KIAA0232: variants seen among roughly 807,000 people sequenced by gnomAD.
KIAA0232 encodes uncharacterized protein KIAA0232.
KIAA0232 carries 27 observed loss-of-function variants against 122.0 expected under a neutral mutation model. The observed-to-expected ratio is 0.22, with a 90% confidence interval of 0.16 to 0.31. KIAA0232 has a LOEUF of 0.31. KIAA0232 is among the 10% of genes least tolerant of loss of function. KIAA0232 has a pLI of 1.00. For missense variants in KIAA0232, 1,551 were observed against 1,634.2 expected (o/e 0.95, Z 0.88); for synonymous variants, 613 against 587.6 (o/e 1.04, Z -0.63).
At chr4:6,854,057 A>ATT (rs973766715) in intron 4 of KIAA0232, among the ~76,000 whole-genome samples, 23 of 152,314 alleles carry the variant, frequency 1.5e-4, no homozygotes, top group African/African-American at 5.5e-4. Flanking sequence ...GGTGGTATGC[A>ATT]TTAGGTTAAT....
chr4:6,856,621 T>C (rs1389821981), intron 4 of KIAA0232, among the ~76,000 whole-genome samples: 1 of 152,058 alleles, frequency 6.6e-6, no homozygotes, highest in Non-Finnish European at 1.5e-5. Context: ...ACATTTGCAA[T>C]ATTGGCTTCA....
Position 6,862,943 on chromosome 4 carries a change from A to T in KIAA0232, c.2561A>T (p.Asp854Val). Residue 854 changes from aspartate (D) to valine (V), a missense_variant, in exon 7 of 10, where the codon GAT becomes GTT. Physicochemically the swap from Asp to Val is radical, Grantham distance 152 (BLOSUM62 -3). Around this residue, in one of 5 missense-constraint regions of KIAA0232, gnomAD observed 1,108 missense variants for 1,154.8 expected, o/e 0.96. Coordinates refer to ENST00000307659, the MANE Select transcript of KIAA0232 (RefSeq NM_014743.3). Reference sequence around the variant, plus strand: ...ACTGATGCTGAGTTGTTTTCGGCAGATGTAAATAACTACTGCTGCTGTCTA... The same window carrying T: ...ACTGATGCTGAGTTGTTTTCGGCAGTTGTAAATAACTACTGCTGCTGTCTA... ...ERTDAELFSA[D>V]VNNYCCCLDA... 6.2e-7 allele frequency: 1 copy of T among 1,614,220 alleles called. No individual in the cohort carries two copies. The highest frequency in any genetic ancestry group is 8.5e-7 in the Non-Finnish European group (1 of 1,180,036).
At chr4:6,803,167 AG>A (rs1046543466) in intron 1 of KIAA0232, among the ~76,000 whole-genome samples, 2 of 150,816 alleles carry the variant, frequency 1.3e-5, no homozygotes, top group African/African-American at 4.9e-5. Context: ...GGATGACAGA[AG>A]AATACTTTAC....
Position 6,792,538 on chromosome 4 carries a change from G to A in KIAA0232, c.-354+9697G>A, listed in dbSNP as rs141089211. ...CTGTGAGATAATTTCATACAATTAA[G>A]CACAGATTTTTTATATTGCATGTAG... On this transcript the variant is annotated intron_variant, in intron 1 of 9. Coordinates refer to ENST00000307659, the MANE Select transcript of KIAA0232 (RefSeq NM_014743.3). Among the ~76,000 whole-genome samples the A allele has an allele frequency of 4.2e-3, 637 of 152,144 alleles. 6 individuals carry two copies. The highest frequency in any genetic ancestry group is 0.014 in the African/African-American group (597 of 41,510).
chr4:6,839,669 G>C (rs566641298), intron 3 of KIAA0232, among the ~76,000 whole-genome samples: 3 of 152,194 alleles, frequency 2.0e-5, no homozygotes, highest in African/African-American at 7.2e-5. Flanking sequence ...GGAGGGGGTA[G>C]TCGAAGGTCA....
At position 6,863,033 on chromosome 4, in the gene KIAA0232, A is replaced by G; in HGVS notation, c.2651A>G (p.His884Arg). Residue 884 changes from histidine (H) to arginine (R), a missense_variant, in exon 7 of 10, where the codon CAT (histidine) becomes CGT (arginine). His to Arg is a conservative substitution (Grantham distance 29). This residue lies in a region of KIAA0232 where 1,108 missense variants were observed against 1,154.8 expected (regional missense o/e 0.96). Coordinates refer to ENST00000307659, the MANE Select transcript of KIAA0232 (RefSeq NM_014743.3). Reference sequence around the variant, plus strand: ...AAGGCTGTGCGGAGGTCAGAGTACCATCTGTGGGAGGGACAGAAAGAGAGC... The same window carrying G: ...AAGGCTGTGCGGAGGTCAGAGTACCGTCTGTGGGAGGGACAGAAAGAGAGC... ...PDKAVRRSEYHLWEGQKESLE... is the reference protein window; with the variant it reads ...PDKAVRRSEYRLWEGQKESLE... The G allele has an allele frequency of 6.2e-7, 1 of 1,614,250 alleles. No individual in the cohort carries two copies. The highest frequency in any genetic ancestry group is 8.5e-7 in the Non-Finnish European group (1 of 1,180,046).
chr4:6,791,021 C>T (rs568848942), intron 1 of KIAA0232, among the ~76,000 whole-genome samples: 11 of 147,036 alleles, frequency 7.5e-5, no homozygotes, highest in South Asian at 2.1e-4. Flanking sequence ...CGGGTTCAAG[C>T]GATTCTCCTG....
At chr4:6,830,649 C>A (rs990687405) in intron 3 of KIAA0232, among the ~76,000 whole-genome samples, 1 of 152,008 alleles carries the variant, frequency 6.6e-6, no homozygotes, top group Non-Finnish European at 1.5e-5. Context: ...TCAAGTGATC[C>A]ACCCACCTTG....
intron 2 of KIAA0232, among the ~76,000 whole-genome samples, chr4:6,808,385 G>C (rs1033027677): frequency 1.3e-5 from 2 of 150,550 alleles, no homozygotes; most frequent in Non-Finnish European, 2.9e-5. Context: ...CTTGGGTACT[G>C]AGCACACCAG....
chr4:6,805,638 A>G (rs1254198493), intron 2 of KIAA0232, among the ~76,000 whole-genome samples: 1 of 152,196 alleles, frequency 6.6e-6, no homozygotes, highest in Non-Finnish European at 1.5e-5. Context: ...TAGAATTTAT[A>G]TGCCCAGACA....
chr4:6,789,552 G>A (rs1716792722), intron 1 of KIAA0232, among the ~76,000 whole-genome samples: 1 of 152,110 alleles, frequency 6.6e-6, no homozygotes, highest in East Asian at 1.9e-4. Flanking sequence ...GATTACAGGT[G>A]TGAGCCACCG....
intron 1 of KIAA0232, among the ~76,000 whole-genome samples, chr4:6,801,927 G>T (rs1275653162): frequency 6.6e-6 from 1 of 152,132 alleles, no homozygotes; most frequent in Non-Finnish European, 1.5e-5. Flanking sequence ...GATAAAGTTT[G>T]TATCCCTCAC....
At chr4:6,846,906 C>G (rs951502724) in intron 4 of KIAA0232, among the ~76,000 whole-genome samples, 1 of 152,130 alleles carries the variant, frequency 6.6e-6, no homozygotes, top group Admixed American at 6.5e-5. Flanking sequence ...GTTTGTGGTA[C>G]TGTGTGCTAT....
intron 2 of KIAA0232, among the ~76,000 whole-genome samples, chr4:6,809,666 T>G (rs766380248): frequency 6.6e-6 from 1 of 152,056 alleles, no homozygotes; most frequent in South Asian, 2.1e-4. Context: ...TAATATGCTC[T>G]TATATCTAGA....
At chr4:6,844,101 G>A (rs893077599) in intron 4 of KIAA0232, among the ~76,000 whole-genome samples, 19 of 151,220 alleles carry the variant, frequency 1.3e-4, no homozygotes, top group Admixed American at 9.9e-4. Flanking sequence ...CACCACGCCC[G>A]GCTAATTTTT....
intron 1 of KIAA0232, among the ~76,000 whole-genome samples, chr4:6,796,445 T>C (rs1444029060): frequency 6.6e-6 from 1 of 152,184 alleles, no homozygotes; most frequent in Non-Finnish European, 1.5e-5. Flanking sequence ...TTTTGCCATG[T>C]TGACCAGGCT....
At chr4:6,876,893 A>G in intron 9 of KIAA0232, 136 bp downstream of exon 9, 2 of 631,976 alleles carry the variant, frequency 3.2e-6, no homozygotes, top group East Asian at 5.6e-5. Flanking sequence ...GTGGGTGCAG[A>G]CTTCCTGTTC....
intron 8 of KIAA0232, among the ~76,000 whole-genome samples, chr4:6,874,273 A>C (rs947574085): frequency 4.6e-5 from 7 of 152,194 alleles, no homozygotes; most frequent in Non-Finnish European, 4.4e-5. Flanking sequence ...CCTTCTCAAC[A>C]GGGACTTGAG....
intron 6 of KIAA0232, among the ~76,000 whole-genome samples, chr4:6,860,358 C>T (rs1264465203): frequency 1.3e-5 from 2 of 152,164 alleles, no homozygotes; most frequent in Non-Finnish European, 2.9e-5. Context: ...AGGATTTGAC[C>T]TCAGAGAATG....
Sources: gnomAD v4.1 joint callset for allele counts (sites outside exome capture counted in the v4.1 genomes callset) on GRCh38, gnomAD v4.1.1 for gene constraint, gnomAD v4.1.1 regional missense constraint, MANE v1.5 for transcripts, NCBI Gene and HGNC (gene_info 2026-07-23, HGNC 2026-07-21) for gene names.